Variants in PPIH observed in about 807,000 individuals in gnomAD.
PPIH encodes the protein peptidylprolyl isomerase H.
In PPIH, 16 loss-of-function variants were observed where a neutral mutation model predicts 27.6. That is an observed-to-expected ratio of 0.58 (90% CI 0.39 to 0.88). The LOEUF (loss-of-function observed/expected upper bound fraction) is 0.88, where lower values mean the gene tolerates loss of function less well. PPIH is among the 40% of genes least tolerant of loss of function. PPIH has a pLI of 0.00. For missense variants in PPIH, 155 were observed against 224.1 expected (o/e 0.69, Z 1.97); for synonymous variants, 63 against 76.1 (o/e 0.83, Z 0.90).
In PPIH at chr1:42,666,082, T is replaced by C. The variant is rs1649318648; in HGVS notation, c.424+15T>C. 6.2e-7 allele frequency: 1 copy of C among 1,611,192 alleles called. No individual in the cohort carries two copies. The highest frequency in any genetic ancestry group is 1.7e-5 in the Admixed American group (1 of 60,018). On this transcript the variant is annotated intron_variant, in intron 7 of 9. Coordinates refer to ENST00000304979, the MANE Select transcript of PPIH (RefSeq NM_006347.4). The stretch of plus-strand genomic sequence containing the variant: ...TGTGGTGTTTGGTAAGTCCTACTCC[T>C]GTCTCATGGTCCAGGCCCCATTCAC...
chr1:42,668,617 A>G (rs1337213139), intron 9 of PPIH, among the ~76,000 whole-genome samples: 1 of 152,202 alleles, frequency 6.6e-6, no homozygotes, highest in Non-Finnish European at 1.5e-5. Context: ...CAAGGTTCCC[A>G]TATTTCATTT....
chr1:42,680,992 T>C (rs1483948829), downstream of PPIH, among the ~76,000 whole-genome samples: 2 of 152,178 alleles, frequency 1.3e-5, no homozygotes, highest in Non-Finnish European at 2.9e-5. Flanking sequence ...TAGGACTGAC[T>C]CAAGAACGCC....
chr1:42,662,803 G>C (rs530425897), intron 5 of PPIH, among the ~76,000 whole-genome samples: 2 of 152,266 alleles, frequency 1.3e-5, no homozygotes, highest in African/African-American at 4.8e-5. Flanking sequence ...TTGGTTTACA[G>C]TTGTCAGTCT....
At chr1:42,672,007 C>T (rs915170750) in intron 9 of PPIH, among the ~76,000 whole-genome samples, 12 of 151,920 alleles carry the variant, frequency 7.9e-5, no homozygotes, top group Non-Finnish European at 1.6e-4. Context: ...CCTCAGCCTC[C>T]CGAGTAGCTG....
At chr1:42,665,044 C>A in intron 6 of PPIH, 89 bp downstream of exon 6, 1 of 1,078,486 alleles carries the variant, frequency 9.3e-7, no homozygotes, top group Non-Finnish European at 1.4e-6. Flanking sequence ...GGGATGGAAG[C>A]AAATGCTTTC....
At chr1:42,679,410 G>T (rs935776969), downstream of PPIH, among the ~76,000 whole-genome samples, 1 of 152,102 alleles carries the variant, frequency 6.6e-6, no homozygotes, top group African/African-American at 2.4e-5. Context: ...GGCTGGTCTC[G>T]AACTCCTGAC....
At chr1:42,659,350 T>A in intron 3 of PPIH, 99 bp downstream of exon 3, 2 of 1,614,214 alleles carry the variant, frequency 1.2e-6, no homozygotes, top group East Asian at 4.5e-5. Flanking sequence ...CTTGAATGAT[T>A]GCTGGTGACA....
chr1:42,673,531 G>T (rs1329486477), intron 9 of PPIH, among the ~76,000 whole-genome samples: 1 of 152,176 alleles, frequency 6.6e-6, no homozygotes, highest in Admixed American at 6.5e-5. Context: ...ATTCATTGTT[G>T]CCTAGATTCT....
intron 9 of PPIH, among the ~76,000 whole-genome samples, chr1:42,673,374 G>T (rs1649738650): frequency 1.3e-5 from 2 of 152,192 alleles, no homozygotes; most frequent in South Asian, 4.1e-4. Context: ...TGAATGGGTT[G>T]TTTGCTACTT....
chr1:42,675,694 G>C lies in PPIH; in HGVS notation c.*22-890G>C, dbSNP rs956666764. On this transcript the variant is annotated intron_variant, in intron 9 of 9. Transcript: ENST00000304979. ...TGTTTGAGGAATGGCAAGAGGAGGGGGACAATAGTATCTGGGTGTACTTAC... is the reference window on the plus strand; with the variant it reads ...TGTTTGAGGAATGGCAAGAGGAGGGCGACAATAGTATCTGGGTGTACTTAC... Among the ~76,000 whole-genome samples, 10 of 152,286 alleles carry C rather than the reference G, an allele frequency of 6.6e-5. No individual in the cohort carries two copies. The East Asian group carries it at 1.9e-3, about 29-fold the overall frequency.
At chr1:42,663,015 GCTTT>G (rs1293442871) in intron 5 of PPIH, among the ~76,000 whole-genome samples, 4 of 152,122 alleles carry the variant, frequency 2.6e-5, no homozygotes, top group African/African-American at 9.7e-5. Context: ...AAGATAAGTT[GCTTT>G]CTATTGTTTG....
intron 9 of PPIH, among the ~76,000 whole-genome samples, chr1:42,673,307 A>G (rs1212473038): frequency 1.3e-5 from 2 of 152,054 alleles, no homozygotes; most frequent in African/African-American, 4.8e-5. Context: ...TTTATGATGA[A>G]TTTGGTTATG....
intron 6 of PPIH, 127 bp from the exon 7 acceptor site, chr1:42,665,853 T>C: frequency 4.0e-6 from 3 of 747,756 alleles, no homozygotes; most frequent in East Asian, 2.6e-5. Context: ...TGGCTCATAA[T>C]AGGTGCTAAG....
chr1:42,666,677 C>T lies in PPIH; in HGVS notation c.465+90C>T, dbSNP rs1649359854. 9.0e-6 allele frequency: 12 copies of T among 1,339,238 alleles called. No individual in the cohort carries two copies. The South Asian group carries it at 1.3e-4, about 15-fold the overall frequency. 83.0% of individuals were successfully genotyped at this position (1,339,238 alleles called of 1,614,324 possible). ...CAGGAGCTAGAGAAGGGGGAATGAGCTCCAGTTTGTTAGGCTGTCTTCATT... is the reference window on the plus strand; with the variant it reads ...CAGGAGCTAGAGAAGGGGGAATGAGTTCCAGTTTGTTAGGCTGTCTTCATT... On this transcript the variant is annotated intron_variant, in intron 8 of 9. Transcript: ENST00000304979.
downstream of PPIH, among the ~76,000 whole-genome samples, chr1:42,679,216 GT>G (rs1215123129): frequency 7.2e-5 from 11 of 152,298 alleles, no homozygotes; most frequent in Admixed American, 5.9e-4. Context: ...TTGAGACATA[GT>G]TTCAGTCTGT....
intron 5 of PPIH, among the ~76,000 whole-genome samples, chr1:42,663,138 A>T (rs1649135927): frequency 6.6e-6 from 1 of 152,216 alleles, no homozygotes; most frequent in South Asian, 2.1e-4. Flanking sequence ...TTCACTGGGA[A>T]ATTGGAGATG....
intron 1 of PPIH, 111 bp downstream of exon 1, chr1:42,658,623 T>C (rs1648796761): frequency 2.3e-6 from 3 of 1,319,802 alleles, no homozygotes; most frequent in South Asian, 1.2e-5. Flanking sequence ...GAAAGTGAAA[T>C]TGCACCCGAA....
chr1:42,677,506 C>A (rs938212096), downstream of PPIH, among the ~76,000 whole-genome samples: 6 of 151,772 alleles, frequency 4.0e-5, no homozygotes, highest in Admixed American at 3.9e-4. Context: ...GGAAACAGTT[C>A]AACATATAAA....
At chr1:42,659,912 G>A (rs1215705050) in intron 4 of PPIH, among the ~76,000 whole-genome samples, 1 of 152,168 alleles carries the variant, frequency 6.6e-6, no homozygotes, top group Non-Finnish European at 1.5e-5. Flanking sequence ...GATCATATAT[G>A]ATTGTCCAAG....
Sources: gnomAD v4.1 joint callset for allele counts (sites outside exome capture counted in the v4.1 genomes callset) on GRCh38, gnomAD v4.1.1 for gene constraint, MANE v1.5 for transcripts, NCBI Gene and HGNC (gene_info 2026-07-23, HGNC 2026-07-21) for gene names.